ASPH: variants seen among roughly 807,000 people sequenced by gnomAD.
ASPH encodes aspartyl/asparaginyl beta-hydroxylase.
ASPH carries 100 observed loss-of-function variants against 118.4 expected under a neutral mutation model. The ratio of observed to expected loss-of-function variants is 0.84; its 90% CI spans 0.72 to 1.00. ASPH has a LOEUF of 1.00. ASPH is among the 50% of genes least tolerant of loss of function. ASPH has a pLI of 0.00. For synonymous variants in ASPH, 315 were observed against 325.6 expected (o/e 0.97, Z 0.35); for missense variants, 920 against 919.5 (o/e 1.00, Z -0.01).
At chr8:61,664,740 G>C (rs1818640042) in intron 3 of ASPH, 3 of 986,258 alleles carry the variant, frequency 3.0e-6, no homozygotes, top group Non-Finnish European at 3.6e-6. Context: ...CTGCGGGAGG[G>C]CTGGGAGGGC....
intron 14 of ASPH, among the ~76,000 whole-genome samples, chr8:61,588,743 T>A (rs996960742): frequency 6.6e-6 from 1 of 152,182 alleles, no homozygotes; most frequent in Non-Finnish European, 1.5e-5. Flanking sequence ...GATGCCCTCC[T>A]AGCAATCCTG....
At chr8:61,674,038 G>A (rs1824003081) in intron 3 of ASPH, among the ~76,000 whole-genome samples, 2 of 152,084 alleles carry the variant, frequency 1.3e-5, no homozygotes, top group African/African-American at 4.8e-5. Context: ...CATTAGTAGG[G>A]CAAATAAAGC....
chr8:61,602,334 A>G (rs1269654769), intron 14 of ASPH, among the ~76,000 whole-genome samples: 1 of 151,484 alleles, frequency 6.6e-6, no homozygotes, highest in Non-Finnish European at 1.5e-5. Flanking sequence ...TTTATATTAT[A>G]CACAAAAATG....
intron 3 of ASPH, among the ~76,000 whole-genome samples, chr8:61,669,106 T>C (rs1006959255): frequency 2.0e-5 from 3 of 152,144 alleles, no homozygotes; most frequent in African/African-American, 7.2e-5. Context: ...AGGGTGGCCT[T>C]TAGCCTGTCA....
At position 61,581,754 on chromosome 8, in the gene ASPH, C is replaced by G. The variant is rs111368683; in HGVS notation, c.1062+2190G>C. ...TTACATTTTCTTTACTCCCTCCCCACCTTTTCAAAAATCACTTACAATGCT... is the reference window on the plus strand; with the variant it reads ...TTACATTTTCTTTACTCCCTCCCCAGCTTTTCAAAAATCACTTACAATGCT... On this transcript the variant is annotated intron_variant, in intron 15 of 24. Transcript: ENST00000379454. Among the ~76,000 whole-genome samples, 1,081 of 152,254 alleles carry G rather than the reference C, an allele frequency of 7.1e-3. 10 individuals carry two copies. Among genetic ancestry groups the G allele is most frequent in the African/African-American group, 0.024 (993 of 41,534 alleles).
chr8:61,563,934 C>T (rs991627679), intron 17 of ASPH, among the ~76,000 whole-genome samples: 3 of 152,214 alleles, frequency 2.0e-5, no homozygotes, highest in Admixed American at 1.3e-4. Context: ...GTCATTTTCA[C>T]TAAAATCTTC....
chr8:61,684,056 T>C lies in ASPH; in HGVS notation c.236A>G (p.Asp79Gly). 1.2e-6 allele frequency: 2 copies of C among 1,613,480 alleles called. No individual in the cohort carries two copies. The highest frequency in any genetic ancestry group is 1.3e-5 in the African/African-American group (1 of 74,966). The change falls in exon 2 of 25, where the codon GAC becomes GGC. Residue 79 changes from aspartate to glycine, a missense_variant. By Grantham distance (94) the Asp-to-Gly change is moderately conservative. Transcript: ENST00000379454. ...SVAVVWFDLVDYEEVLGKLGI... is the reference protein window; with the variant it reads ...SVAVVWFDLVGYEEVLGKLGI... ...ATTCTTACCTAGAACTTCCTCATAG[T>C]CAACAAGATCAAACCAAACGACAGC...
chr8:61,637,018 C>A (rs189297254), intron 12 of ASPH, among the ~76,000 whole-genome samples: 2 of 152,138 alleles, frequency 1.3e-5, no homozygotes, highest in South Asian at 2.1e-4. Context: ...TATCTCCCCC[C>A]ATTTCAGTCA....
intron 1 of ASPH, among the ~76,000 whole-genome samples, chr8:61,699,344 A>G (rs1834699744): frequency 6.6e-6 from 1 of 152,240 alleles, no homozygotes; most frequent in African/African-American, 2.4e-5. Context: ...AGTGAATCTC[A>G]TATTTCAATC....
chr8:61,683,911 C>T lies in ASPH; in HGVS notation c.253+128G>A, dbSNP rs145004430. ...TTCTTCATATCCCCTTTCAGCCTCA[C>T]TCTATTGAGAACCACTGAAAGGCTA... is the stretch of plus-strand genomic sequence containing the variant. On this transcript the variant is annotated intron_variant, in intron 2 of 24. Coordinates refer to ENST00000379454, the MANE Select transcript of ASPH (RefSeq NM_004318.4). The T allele has an allele frequency of 1.7e-5, 19 of 1,098,610 alleles. No individual in the cohort carries two copies. The East Asian group carries it at 4.0e-4, about 23-fold the overall frequency. 68.1% of individuals were successfully genotyped at this position (1,098,610 alleles called of 1,614,324 possible).
chr8:61,533,328 C>A (rs949958481), intron 21 of ASPH, among the ~76,000 whole-genome samples: 5 of 152,150 alleles, frequency 3.3e-5, no homozygotes, highest in Non-Finnish European at 7.4e-5. Flanking sequence ...TTCAATTCTT[C>A]CTTTTTACAG....
intron 18 of ASPH, among the ~76,000 whole-genome samples, chr8:61,558,264 G>C (rs1469337526): frequency 6.6e-6 from 1 of 152,126 alleles, no homozygotes; most frequent in Non-Finnish European, 1.5e-5. Context: ...AGGTATTTAG[G>C]GATAAATAGG....
chr8:61,585,366 G>A (rs1254997492), intron 14 of ASPH, among the ~76,000 whole-genome samples: 2 of 152,150 alleles, frequency 1.3e-5, no homozygotes, highest in Non-Finnish European at 2.9e-5. Flanking sequence ...GTGGTGGCAG[G>A]GAAGGGGGCA....
intron 24 of ASPH, among the ~76,000 whole-genome samples, chr8:61,515,565 T>A (rs925540295): frequency 6.6e-6 from 1 of 152,216 alleles, no homozygotes; most frequent in Non-Finnish European, 1.5e-5. Context: ...TAAGTCTGAC[T>A]CTCAAATCTT....
intron 24 of ASPH, among the ~76,000 whole-genome samples, chr8:61,507,500 A>G (rs1265716978): frequency 6.6e-6 from 1 of 152,232 alleles, no homozygotes. Context: ...TCTTAAAAAA[A>G]TGGTGTCTTT....
chr8:61,595,391 C>T (rs145699033), intron 14 of ASPH, among the ~76,000 whole-genome samples: 76 of 152,266 alleles, frequency 5.0e-4, no homozygotes, highest in Non-Finnish European at 7.8e-4. Flanking sequence ...TTTCTCATTA[C>T]AGACAAATGA....
At chr8:61,706,684 G>A (rs1057269698) in intron 1 of ASPH, among the ~76,000 whole-genome samples, 2 of 152,126 alleles carry the variant, frequency 1.3e-5, no homozygotes, top group African/African-American at 4.8e-5. Flanking sequence ...AAATGGATGA[G>A]GAAAGGTCCC....
intron 14 of ASPH, among the ~76,000 whole-genome samples, chr8:61,608,924 A>G (rs549741343): frequency 6.6e-6 from 1 of 152,186 alleles, no homozygotes; most frequent in Non-Finnish European, 1.5e-5. Context: ...TTAGACGAGC[A>G]GGCAGGTAGG....
intron 1 of ASPH, chr8:61,687,313 A>G (rs1830925819): frequency 6.6e-6 from 1 of 152,300 alleles, no homozygotes; most frequent in South Asian, 2.1e-4. Context: ...AGTAGACAAA[A>G]TATTTTTTCT....
Sources: allele counts gnomAD v4.1 joint callset (sites outside exome capture counted in the v4.1 genomes callset), GRCh38; gene constraint gnomAD v4.1.1; transcripts MANE v1.5; gene names NCBI Gene and HGNC (gene_info 2026-07-23, HGNC 2026-07-21).